The following STPG2 variants were observed in gnomAD, a reference collection of about 807,000 sequenced individuals.
STPG2 encodes sperm tail PG-rich repeat containing 2, also known as sperm-tail PG-rich repeat-containing protein 2.
STPG2 carries 56 observed loss-of-function variants against 54.2 expected under a neutral mutation model. The observed-to-expected ratio is 1.03, with a 90% CI of 0.83 to 1.29. STPG2 has a LOEUF of 1.29. Among genes scored for constraint, STPG2 ranks in the 50% most tolerant of loss-of-function variants. The pLI is 0.00. For synonymous variants in STPG2, 200 were observed against 181.8 expected, an observed-to-expected ratio of 1.10 and a Z score of -0.81; for missense variants, 596 against 544.9, an observed-to-expected ratio of 1.09 and a Z score of -0.93.
intron 3 of STPG2, among the ~76,000 whole-genome samples, chr4:98,115,664 T>C (rs577812141): frequency 1.1e-4 from 17 of 151,978 alleles, no homozygotes; most frequent in Non-Finnish European, 1.8e-4. Flanking sequence ...TAAACCCACA[T>C]ATAGTATTAA....
At chr4:98,088,549 T>C (rs1271428169) in intron 5 of STPG2, among the ~76,000 whole-genome samples, 1 of 151,880 alleles carries the variant, frequency 6.6e-6, no homozygotes, top group Non-Finnish European at 1.5e-5. Flanking sequence ...AATTCAATTA[T>C]TATTAAGTTA....
chr4:97,824,153 G>A (rs1400929590), intron 9 of STPG2, among the ~76,000 whole-genome samples: 1 of 152,050 alleles, frequency 6.6e-6, no homozygotes, highest in Non-Finnish European at 1.5e-5. Flanking sequence ...CGGGGCTGCT[G>A]GGAAAAATCC....
intron 7 of STPG2, among the ~76,000 whole-genome samples, chr4:97,953,638 A>G (rs1269834600): frequency 6.6e-6 from 1 of 152,200 alleles, no homozygotes; most frequent in Admixed American, 6.5e-5. Flanking sequence ...TCCTACTTTC[A>G]TATTCCCCAT....
rs529492973 is a variant in STPG2 at position 98,051,292 on chromosome 4, T to A, written c.612+54661A>T. On this transcript the variant is annotated intron_variant, in intron 5 of 10. Transcript: ENST00000295268. ...ATACTGATGCTACCTTATCAATATT[T>A]GCAAAATTTTTTTCTAGCACAGAAG... Among the ~76,000 whole-genome samples the A allele has an allele frequency of 4.2e-3, 643 of 152,286 alleles. 3 individuals are homozygous for A. The highest frequency in any genetic ancestry group is 0.024 in the South Asian group (117 of 4,824).
chr4:97,706,092 A>AT (rs1407252858), intron 10 of STPG2, among the ~76,000 whole-genome samples: 1 of 152,074 alleles, frequency 6.6e-6, no homozygotes, highest in Admixed American at 6.6e-5. Context: ...CCTTTTCCTT[A>AT]TAACTGTAGC....
At chr4:97,566,606 A>C (rs1296761155) in intron 10 of STPG2, among the ~76,000 whole-genome samples, 1 of 152,070 alleles carries the variant, frequency 6.6e-6, no homozygotes, top group African/African-American at 2.4e-5. Flanking sequence ...GGCACTATTC[A>C]CAACAGCAAA....
Position 97,477,767 on chromosome 4 carries a change from G to C in STPG2, c.462+234932C>G, listed in dbSNP as rs552026986. ...GGCCTCCCAAAGTGCTGGGATTACA[G>C]ACGTGAGGAACCGCGCCTGGCCTCG... is the stretch of plus-strand genomic sequence containing the variant. On this transcript the variant is annotated intron_variant, in intron 4 of 4. Coordinates refer to the STPG2 transcript ENST00000522676. Among the ~76,000 whole-genome samples the C allele has an allele frequency of 9.9e-5, 15 of 151,998 alleles. No homozygotes were observed. The South Asian group carries it at 2.9e-3, about 29-fold the overall frequency.
intron 10 of STPG2, among the ~76,000 whole-genome samples, chr4:97,617,293 T>TA (rs1003785617): frequency 2.6e-5 from 4 of 151,832 alleles, no homozygotes; most frequent in South Asian, 2.1e-4. Context: ...ATTACAAGCC[T>TA]AAAAAAAAGG....
At chr4:98,027,210 CTT>C (rs1736450348) in intron 5 of STPG2, among the ~76,000 whole-genome samples, 1 of 152,162 alleles carries the variant, frequency 6.6e-6, no homozygotes, top group Non-Finnish European at 1.5e-5. Flanking sequence ...CATTTATTAA[CTT>C]AATCACATTG....
chr4:97,930,666 T>A (rs1732508423), intron 8 of STPG2, among the ~76,000 whole-genome samples: 1 of 152,218 alleles, frequency 6.6e-6, no homozygotes, highest in Non-Finnish European at 1.5e-5. Flanking sequence ...TTAAGGCTCT[T>A]TTTTGGTTCC....
At chr4:98,067,617 G>A (rs919930236) in intron 5 of STPG2, among the ~76,000 whole-genome samples, 2 of 152,108 alleles carry the variant, frequency 1.3e-5, no homozygotes, top group Admixed American at 1.3e-4. Context: ...TGAAAAATAT[G>A]TTTAATGTCT....
At chr4:97,493,224 C>T (rs555001482) in intron 4 of STPG2, among the ~76,000 whole-genome samples, 1 of 150,904 alleles carries the variant, frequency 6.6e-6, no homozygotes, top group Non-Finnish European at 1.5e-5. Flanking sequence ...ACTGGTAAGA[C>T]CCTGAGGAAA....
intron 10 of STPG2, among the ~76,000 whole-genome samples, chr4:97,580,335 A>G (rs1732832026): frequency 6.6e-6 from 1 of 151,952 alleles, no homozygotes; most frequent in African/African-American, 2.4e-5. Context: ...ATATAATAAT[A>G]TTATCACTGC....
intron 5 of STPG2, among the ~76,000 whole-genome samples, chr4:98,037,934 A>G (rs961313760): frequency 1.3e-5 from 2 of 152,176 alleles, no homozygotes; most frequent in Non-Finnish European, 1.5e-5. Flanking sequence ...ATCATGAAAG[A>G]AGATAAATAT....
At chr4:97,536,836 G>A (rs1294961194) in intron 4 of STPG2, among the ~76,000 whole-genome samples, 1 of 152,136 alleles carries the variant, frequency 6.6e-6, no homozygotes, top group Non-Finnish European at 1.5e-5. Context: ...TCACAATGGA[G>A]AATGAATTAT....
At chr4:98,132,518 T>C (rs1740024478) in intron 2 of STPG2, among the ~76,000 whole-genome samples, 1 of 152,030 alleles carries the variant, frequency 6.6e-6, no homozygotes, top group Non-Finnish European at 1.5e-5. Flanking sequence ...AAACTGATCA[T>C]AGCTTGCTGG....
chr4:97,846,391 C>T (rs1041366371), intron 8 of STPG2, among the ~76,000 whole-genome samples: 3 of 151,968 alleles, frequency 2.0e-5, no homozygotes, highest in Non-Finnish European at 4.4e-5. Context: ...CTTTGGGAGG[C>T]CGAGGCGGTT....
chr4:97,712,907 T>C (rs1344473765), intron 9 of STPG2, 93 bp from the exon 10 acceptor site: 3 of 750,286 alleles, frequency 4.0e-6, no homozygotes, highest in Non-Finnish European at 4.0e-6. Flanking sequence ...TCTTAATGTA[T>C]AAAATTAGCA....
chr4:97,795,666 G>T (rs937538855), intron 9 of STPG2, among the ~76,000 whole-genome samples: 1 of 152,194 alleles, frequency 6.6e-6, no homozygotes, highest in Non-Finnish European at 1.5e-5. Context: ...ACATATGTGT[G>T]CATGTGTCTT....
Sources: allele counts gnomAD v4.1 joint callset (sites outside exome capture counted in the v4.1 genomes callset), GRCh38; gene constraint gnomAD v4.1.1; transcripts MANE v1.5; gene names NCBI Gene and HGNC (gene_info 2026-07-23, HGNC 2026-07-21).